The following THBS1 variants were observed in gnomAD, a reference collection of about 807,000 sequenced individuals.
THBS1 encodes the protein thrombospondin-1.
Under a neutral mutation model 126.1 loss-of-function variants are expected in THBS1, and 29 were observed. The observed-to-expected ratio is 0.23, with a 90% confidence interval of 0.17 to 0.31. The LOEUF (loss-of-function observed/expected upper bound fraction) is 0.31, where lower values mean the gene tolerates loss of function less well. Ranked by LOEUF, THBS1 falls within the 10% of genes least tolerant of loss-of-function variation. THBS1 has a pLI of 1.00. For synonymous variants in THBS1, 496 were observed against 577.8 expected, an observed-to-expected ratio of 0.86 and a Z score of 2.03; for missense variants, 1,198 against 1,545.2, an observed-to-expected ratio of 0.78 and a Z score of 3.77.
intron 7 of THBS1, chr15:39,586,482 C>T (rs562651396): frequency 6.6e-6 from 1 of 152,324 alleles, no homozygotes; most frequent in South Asian, 2.1e-4. Flanking sequence ...CTGTCTGATA[C>T]AGCTAGATGT....
intron 4 of THBS1, 105 bp from the exon 5 acceptor site, chr15:39,583,883 C>A: frequency 7.1e-7 from 1 of 1,417,204 alleles, no homozygotes; most frequent in Non-Finnish European, 9.8e-7. Context: ...CGCAACCCCT[C>A]TACCTGCATC....
Position 39,585,479 on chromosome 15 carries a change from A to T in THBS1, c.1036A>T (p.Thr346Ser). Residue 346 changes from threonine to serine, a missense_variant, in exon 7 of 22, where the codon ACC becomes TCC. Coordinates refer to ENST00000260356, the MANE Select transcript of THBS1 (RefSeq NM_003246.4). Reference protein sequence around the residue: ...CTECHCQNSVTICKKVSCPIM... With the variant: ...CTECHCQNSVSICKKVSCPIM... ...CTCTCTTGCCCTGCAGAACTCAGTT[A>T]CCATCTGCAAAAAGGTGTCCTGCCC... 1 of 1,614,100 alleles carries T rather than the reference A, an allele frequency of 6.2e-7. No individual in the cohort carries two copies. The highest frequency in any genetic ancestry group is 8.5e-7 in the Non-Finnish European group (1 of 1,179,970).
chr15:39,593,515 G>A lies in THBS1; in HGVS notation c.3114G>A (p.Val1038=), dbSNP rs779416913. The A allele has an allele frequency of 1.9e-6, 3 of 1,614,226 alleles. No individual in the cohort carries two copies. The highest frequency in any genetic ancestry group is 1.7e-6 in the Non-Finnish European group (2 of 1,180,046). The part of the protein sequence containing the change: ...GYQSSSRFYV[V]MWKQVTQSYW... ...AGTCCAGCAGCCGCTTTTATGTTGT[G>A]ATGTGGAAGCAAGTCACCCAGTCCT... The change falls in exon 19 of 22, where the codon GTG becomes GTA. Residue 1038 remains valine, a synonymous_variant. Coordinates refer to ENST00000260356, the MANE Select transcript of THBS1 (RefSeq NM_003246.4). This position sits in a 1 kb window ranked among gnomAD's most constrained non-coding sequence, Gnocchi z 5.9.
chr15:39,584,431 C>G lies in THBS1; in HGVS notation c.1026+9C>G. 1 of 1,613,812 alleles carries G rather than the reference C, an allele frequency of 6.2e-7. No homozygotes were observed. Among genetic ancestry groups the G allele is most frequent in the Non-Finnish European group, 8.5e-7 (1 of 1,179,914 alleles). On this transcript the variant is annotated intron_variant, in intron 6 of 21. Coordinates refer to ENST00000260356, the MANE Select transcript of THBS1 (RefSeq NM_003246.4). ...CTGAGTGTCACTGTCAGGTAAGGGA[C>G]CTTCACCAGCCAGAATAAGAATCGA... is the stretch of plus-strand genomic sequence containing the variant.
In THBS1 at chr15:39,598,499, G is replaced by A. The variant is rs1177962204; in HGVS notation, c.*3130G>A. ...TCATTCATTATCAGAAGAGTTCAAC[G>A]TTTGAAGTGCTGGGAGATAATTCTA... is the stretch of plus-strand genomic sequence containing the variant. On this transcript the variant is annotated 3_prime_UTR_variant, in exon 22 of 22. Coordinates refer to ENST00000260356, the MANE Select transcript of THBS1 (RefSeq NM_003246.4). 1 of 152,324 alleles carries A rather than the reference G, an allele frequency of 6.6e-6. No homozygotes were observed. Among genetic ancestry groups the A allele is most frequent in the Non-Finnish European group, 1.5e-5 (1 of 68,020 alleles). 9.4% of individuals were successfully genotyped at this position (152,324 alleles called of 1,614,324 possible). A position where few individuals can be genotyped will look rare whatever the true frequency, so the allele number is the denominator to read the frequency against.
At chr15:39,587,658 C>T in intron 8 of THBS1, 138 bp downstream of exon 8, 1 of 892,282 alleles carries the variant, frequency 1.1e-6, no homozygotes, top group South Asian at 1.9e-5. Flanking sequence ...TAGCTGTGCA[C>T]CCTTGAACAC....
In THBS1 at chr15:39,597,161, T is replaced by C. The variant is rs1177838403; in HGVS notation, c.*1792T>C. ...ATTGGAATAGATATCTCAGATTGTG[T>C]AGATATGCTATTTAAATAATTTATC... On this transcript the variant is annotated 3_prime_UTR_variant, in exon 22 of 22. Coordinates refer to ENST00000260356, the MANE Select transcript of THBS1 (RefSeq NM_003246.4). 1 of 152,178 alleles carries C rather than the reference T, an allele frequency of 6.6e-6. No homozygotes were observed. Among genetic ancestry groups the C allele is most frequent in the Non-Finnish European group, 1.5e-5 (1 of 68,022 alleles). 9.4% of individuals were successfully genotyped at this position (152,178 alleles called of 1,614,324 possible). A position where few individuals can be genotyped will look rare whatever the true frequency, so the allele number is the denominator to read the frequency against.
intron 7 of THBS1, 121 bp from the exon 8 acceptor site, chr15:39,587,226 C>T (rs1266863560): frequency 2.0e-6 from 2 of 987,566 alleles, no homozygotes; most frequent in African/African-American, 3.2e-5. Flanking sequence ...TCAGTAAAGC[C>T]AAAAAGAAAT....
chr15:39,582,771 G>T lies in THBS1; in HGVS notation c.627+19G>T. 1.3e-6 allele frequency: 2 copies of T among 1,585,566 alleles called. No individual in the cohort carries two copies. Among genetic ancestry groups the T allele is most frequent in the Non-Finnish European group, 1.7e-6 (2 of 1,166,904 alleles). On this transcript the variant is annotated intron_variant, in intron 3 of 21. Coordinates refer to ENST00000260356, the MANE Select transcript of THBS1 (RefSeq NM_003246.4). ...TTTCCAGGTGAGGCTTCTTCTCTGA[G>T]CCCTGCTCCGTGGGATCATCTGCTA...
At chr15:39,583,543 T>C (rs954892030) in intron 3 of THBS1, 74 bp from the exon 4 acceptor site, 6 of 1,260,748 alleles carry the variant, frequency 4.8e-6, no homozygotes, top group East Asian at 2.3e-5. Flanking sequence ...TTTCCTAGCA[T>C]ACAGACAGTC....
intron 3 of THBS1, among the ~76,000 whole-genome samples, chr15:39,583,036 T>G (rs943018878): frequency 6.6e-6 from 1 of 152,220 alleles, no homozygotes; most frequent in Admixed American, 6.5e-5. Flanking sequence ...GAAATGGTTT[T>G]CCTTTAGCAG....
At chr15:39,583,566 A>AACCCCC in intron 3 of THBS1, 51 bp from the exon 4 acceptor site, 4 of 716,622 alleles carry the variant, frequency 5.6e-6, no homozygotes, top group Non-Finnish European at 9.7e-6. Flanking sequence ...CCCCAACCCC[A>AACCCCC]TCCCCACCCC....
At chr15:39,584,925 G>A (rs1890182352) in intron 6 of THBS1, among the ~76,000 whole-genome samples, 2 of 152,208 alleles carry the variant, frequency 1.3e-5, no homozygotes, top group Admixed American at 1.3e-4. Context: ...CAGTGAGTTT[G>A]GAGGTTCACC....
chr15:39,584,257 C>A (rs1008947373), intron 5 of THBS1, 43 bp from the exon 6 acceptor site: 1 of 1,614,060 alleles, frequency 6.2e-7, no homozygotes, highest in Non-Finnish European at 8.5e-7. Flanking sequence ...TCCCAAATGA[C>A]TGAAAATGCG....
intron 1 of THBS1, 143 bp from the exon 2 acceptor site, chr15:39,581,686 A>C (rs61040173): frequency 0.014 from 7,560 of 533,624 alleles, 401 homozygotes; most frequent in African/African-American, 0.14. Flanking sequence ...CTGGAAAGTA[A>C]TCCTGTTGTC....
chr15:39,589,449 C>CA lies in THBS1; in HGVS notation c.1926+105dup, dbSNP rs111526810. ...AGGAATGTAATTTCATACCCTTCAC[C>CA]AAAAAAAAAAGGGCGAGGAGATGAA... On this transcript the variant is annotated intron_variant, in intron 12 of 21. Coordinates refer to ENST00000260356, the MANE Select transcript of THBS1 (RefSeq NM_003246.4). This position sits in a 1 kb window ranked among gnomAD's most constrained non-coding sequence, Gnocchi z 4.7. 9.9e-3 allele frequency: 10,931 copies of CA among 1,101,712 alleles called. No homozygotes were observed. Among genetic ancestry groups the CA allele is most frequent in the Non-Finnish European group, 0.011 (9,042 of 830,362 alleles). The allele number at this position is 1,101,712 out of a possible 1,614,324, so 68.2% of individuals were successfully genotyped here. A position where few individuals can be genotyped will look rare whatever the true frequency, so the allele number is the denominator to read the frequency against.
chr15:39,593,388 T>C lies in THBS1; in HGVS notation c.2996-9T>C, dbSNP rs995693393. 3 of 1,613,636 alleles carry C rather than the reference T, an allele frequency of 1.9e-6. No individual in the cohort carries two copies. The highest frequency in any genetic ancestry group is 2.7e-5 in the African/African-American group (2 of 74,880). ...CAGGTTTTAACCTGGCTCTGGGCTC[T>C]TCTTCCAGGTTATGATGAGTTTAAT... On this transcript the variant is annotated splice_polypyrimidine_tract_variant and intron_variant, in intron 18 of 21. Coordinates refer to ENST00000260356, the MANE Select transcript of THBS1 (RefSeq NM_003246.4). This position sits in a 1 kb window ranked among gnomAD's most constrained non-coding sequence, Gnocchi z 5.9.
At chr15:39,585,013 C>T (rs1005736939) in intron 6 of THBS1, among the ~76,000 whole-genome samples, 75 of 152,172 alleles carry the variant, frequency 4.9e-4, no homozygotes, top group African/African-American at 1.8e-3. Flanking sequence ...GAACCAACTT[C>T]ATTAAATTCC....
chr15:39,587,961 C>T, intron 8 of THBS1, 81 bp from the exon 9 acceptor site: 1 of 1,409,712 alleles, frequency 7.1e-7, no homozygotes, highest in Admixed American at 2.0e-5. Flanking sequence ...CCTGGAAATA[C>T]TTCTGCGTGC....
Sources: allele counts gnomAD v4.1 joint callset (sites outside exome capture counted in the v4.1 genomes callset), GRCh38; gene constraint gnomAD v4.1.1; non-coding constraint Gnocchi (gnomAD v3.1); transcripts MANE v1.5; gene names NCBI Gene and HGNC (gene_info 2026-07-23, HGNC 2026-07-21).